Variants in UGT1A9 observed in about 807,000 individuals in gnomAD.
UGT1A9 encodes UDP-glucuronosyltransferase 1A9.
Under a neutral mutation model 45.0 loss-of-function variants are expected in UGT1A9, and 35 were observed. That is an observed-to-expected ratio of 0.78 (90% confidence interval 0.59 to 1.03). The LOEUF (loss-of-function observed/expected upper bound fraction) is 1.03. Among genes scored for constraint, UGT1A9 ranks in the 50% least tolerant of loss-of-function variants. UGT1A9 has a pLI of 0.00. For synonymous variants in UGT1A9, 278 were observed against 250.6 expected (o/e 1.11, Z -1.03); for missense variants, 687 against 666.6 (o/e 1.03, Z -0.34).
chr2:233,716,115 A>G (rs2076487299), intron 1 of UGT1A9, among the ~76,000 whole-genome samples: 1 of 152,126 alleles, frequency 6.6e-6, no homozygotes, highest in Non-Finnish European at 1.5e-5. Flanking sequence ...TAGTTTTTCC[A>G]TCTTAGTTTT....
At chr2:233,724,803 C>G (rs1387288842) in intron 1 of UGT1A9, among the ~76,000 whole-genome samples, 1 of 138,308 alleles carries the variant, frequency 7.2e-6, no homozygotes, top group Non-Finnish European at 1.5e-5. Flanking sequence ...GGGTGGCGGC[C>G]GGGCAGAGGC....
chr2:233,760,435 C>G (rs2125984030), intron 1 of UGT1A9: 1 of 1,614,234 alleles, frequency 6.2e-7, no homozygotes, highest in Non-Finnish European at 8.5e-7. Flanking sequence ...CATCCAGCAG[C>G]TGCAGCAGAG....
At chr2:233,746,286 G>A (rs1374817332) in intron 1 of UGT1A9, among the ~76,000 whole-genome samples, 1 of 151,716 alleles carries the variant, frequency 6.6e-6, no homozygotes, top group Non-Finnish European at 1.5e-5. Context: ...TTCAAGGAAG[G>A]TGGCTTTGTT....
At chr2:233,677,650 T>A (rs1372897223) in intron 1 of UGT1A9, among the ~76,000 whole-genome samples, 1 of 151,980 alleles carries the variant, frequency 6.6e-6, no homozygotes, top group Non-Finnish European at 1.5e-5. Context: ...CCAGTTAGAA[T>A]GGCTGTTATT....
chr2:233,762,447 C>T (rs867092179), intron 1 of UGT1A9, among the ~76,000 whole-genome samples: 2 of 152,128 alleles, frequency 1.3e-5, no homozygotes, highest in Non-Finnish European at 2.9e-5. Context: ...TTCCCACTGC[C>T]CACTTACCGA....
intron 1 of UGT1A9, chr2:233,713,010 G>T (rs778526502): frequency 6.2e-7 from 1 of 1,613,520 alleles, no homozygotes; most frequent in African/African-American, 1.3e-5. Flanking sequence ...AGGACTCCAG[G>T]TTCCCCTGCC....
intron 1 of UGT1A9, chr2:233,722,095 C>CCTG: frequency 9.6e-6 from 2 of 207,736 alleles, no homozygotes; most frequent in South Asian, 8.3e-5. Context: ...CACCTTAGGC[C>CCTG]TCTTAGAGGA....
chr2:233,680,850 C>G (rs926026920), intron 1 of UGT1A9, among the ~76,000 whole-genome samples: 5 of 152,076 alleles, frequency 3.3e-5, no homozygotes, highest in Non-Finnish European at 5.9e-5. Flanking sequence ...CAGAGAGAGA[C>G]AGCTCATTAG....
chr2:233,689,454 T>G (rs919353618), intron 1 of UGT1A9, among the ~76,000 whole-genome samples: 5 of 152,208 alleles, frequency 3.3e-5, no homozygotes, highest in Non-Finnish European at 7.3e-5. Flanking sequence ...CAAGGATACA[T>G]TTTAGGAAAA....
chr2:233,735,747 T>C (rs933103602), intron 1 of UGT1A9, among the ~76,000 whole-genome samples: 3 of 152,290 alleles, frequency 2.0e-5, no homozygotes, highest in African/African-American at 7.2e-5. Context: ...TATAAAGGAT[T>C]TTATTTCTCC....
intron 1 of UGT1A9, among the ~76,000 whole-genome samples, chr2:233,696,605 C>CCTTT (rs57635371): frequency 7.9e-5 from 12 of 151,622 alleles, no homozygotes; most frequent in African/African-American, 2.7e-4. Flanking sequence ...ACTTGGATGC[C>CCTTT]CTTTCTTTCT....
At chr2:233,686,906 C>G (rs953257681) in intron 1 of UGT1A9, among the ~76,000 whole-genome samples, 1 of 152,186 alleles carries the variant, frequency 6.6e-6, no homozygotes, top group Non-Finnish European at 1.5e-5. Context: ...GAGGGGTCAA[C>G]AAGAAAGGGC....
At position 233,750,642 on chromosome 2, in the gene UGT1A9, C is replaced by G. The variant is rs1227116452; in HGVS notation, c.856-16392C>G. 2.7e-5 allele frequency: 4 copies of G among 149,396 alleles called. 1 individual carries two copies. The highest frequency in any genetic ancestry group is 1.0e-4 in the African/African-American group (4 of 38,716). 9.3% of individuals were successfully genotyped at this position (149,396 alleles called of 1,614,324 possible). On this transcript the variant is annotated intron_variant, in intron 1 of 4. Transcript: ENST00000354728. ...GGGTCCATGCTCCCCCTGCTGTGTGCAGCCTCAGGACTTGGTGCCCTGTGT... is the reference window on the plus strand; with the variant it reads ...GGGTCCATGCTCCCCCTGCTGTGTGGAGCCTCAGGACTTGGTGCCCTGTGT...
At chr2:233,697,097 T>C (rs1160600500) in intron 1 of UGT1A9, among the ~76,000 whole-genome samples, 1 of 152,158 alleles carries the variant, frequency 6.6e-6, no homozygotes, top group Non-Finnish European at 1.5e-5. Flanking sequence ...TCTCACAGGA[T>C]GAGTTTGGAA....
intron 1 of UGT1A9, among the ~76,000 whole-genome samples, chr2:233,675,453 T>C (rs2074322189): frequency 1.3e-5 from 2 of 152,310 alleles, no homozygotes; most frequent in Admixed American, 6.5e-5. Flanking sequence ...ATTCAGGCTT[T>C]GTCTATACCA....
intron 1 of UGT1A9, chr2:233,741,566 A>C (rs1338597407): frequency 6.6e-6 from 1 of 151,914 alleles, no homozygotes; most frequent in Non-Finnish European, 1.5e-5. Flanking sequence ...TTGTATGAGA[A>C]TCAACTACCC....
intron 1 of UGT1A9, among the ~76,000 whole-genome samples, chr2:233,724,475 T>C (rs568755731): frequency 9.3e-4 from 64 of 68,704 alleles, no homozygotes; most frequent in Middle Eastern, 7.8e-3. Flanking sequence ...GGCTCCTCAC[T>C]TCTCAGACGG....
At position 233,773,058 on chromosome 2, in the gene UGT1A9, T is replaced by C. The variant is rs893890445; in HGVS notation, c.*499T>C. The C allele has an allele frequency of 5.7e-6, 1 of 175,710 alleles. No homozygotes were observed. The highest frequency in any genetic ancestry group is 2.4e-5 in the African/African-American group (1 of 41,884). The allele number at this position is 175,710 out of a possible 1,614,324, so 10.9% of individuals were successfully genotyped here. A position where few individuals can be genotyped will look rare whatever the true frequency, so the allele number is the denominator to read the frequency against. On this transcript the variant is annotated 3_prime_UTR_variant, in exon 5 of 5. Transcript: ENST00000354728. ...AGGGAAGCTTTGTACCTTTAGAGTGTAGGTGAAATGAATGAATGGCTTGGA... is the reference window on the plus strand; with the variant it reads ...AGGGAAGCTTTGTACCTTTAGAGTGCAGGTGAAATGAATGAATGGCTTGGA...
chr2:233,731,689 G>A (rs1162226344), intron 1 of UGT1A9, among the ~76,000 whole-genome samples: 1 of 152,164 alleles, frequency 6.6e-6, no homozygotes, highest in Non-Finnish European at 1.5e-5. Flanking sequence ...TATCATTGAT[G>A]GACATTTGGA....
Sources: allele counts gnomAD v4.1 joint callset (sites outside exome capture counted in the v4.1 genomes callset), GRCh38; gene constraint gnomAD v4.1.1; transcripts MANE v1.5; gene names NCBI Gene and HGNC (gene_info 2026-07-23, HGNC 2026-07-21).